MYO9A: variants seen among roughly 807,000 people sequenced by gnomAD.
The protein encoded by MYO9A is myosin IXA, also known as unconventional myosin-IXa.
A neutral mutation model predicts 293.3 loss-of-function variants in MYO9A; 103 were observed. That is an observed-to-expected ratio of 0.35 (90% CI 0.30 to 0.41). The LOEUF is 0.41. Ranked by LOEUF, MYO9A falls within the 10% of genes least tolerant of loss-of-function variation. The pLI, the probability that MYO9A is intolerant of heterozygous loss-of-function variation, is 1.00. For synonymous variants in MYO9A, 1,001 were observed against 1,035.7 expected, an observed-to-expected ratio of 0.97 and a Z score of 0.64; for missense variants, 2,685 against 3,033.0, an observed-to-expected ratio of 0.89 and a Z score of 2.69.
chr15:72,108,341 A>C (rs528910340), intron 1 of MYO9A, among the ~76,000 whole-genome samples: 2 of 152,346 alleles, frequency 1.3e-5, no homozygotes, highest in South Asian at 4.1e-4. Context: ...AAACTTTTTA[A>C]TATGAATCTA....
At chr15:71,920,349 G>T (rs916603124) in intron 18 of MYO9A, among the ~76,000 whole-genome samples, 22 of 152,088 alleles carry the variant, frequency 1.4e-4, no homozygotes, top group African/African-American at 5.3e-4. Flanking sequence ...CCTAATCCTG[G>T]TGTGATAGTA....
intron 32 of MYO9A, among the ~76,000 whole-genome samples, chr15:71,873,697 G>A (rs1282843242): frequency 6.6e-6 from 1 of 152,064 alleles, no homozygotes; most frequent in East Asian, 1.9e-4. Flanking sequence ...ATTTATTTGT[G>A]TATTTCTAGA....
intron 14 of MYO9A, chr15:71,958,355 C>T (rs1397704403): frequency 1.3e-5 from 2 of 152,036 alleles, no homozygotes; most frequent in Admixed American, 6.6e-5. Context: ...TTATCCTAAA[C>T]CTACCAAAAG....
At chr15:71,969,289 T>C (rs902406468) in intron 12 of MYO9A, among the ~76,000 whole-genome samples, 12 of 152,172 alleles carry the variant, frequency 7.9e-5, no homozygotes, top group African/African-American at 2.7e-4. Flanking sequence ...CCTCAAAACA[T>C]CTCTACCATC....
At chr15:72,115,392 A>T (rs8027164) in intron 1 of MYO9A, among the ~76,000 whole-genome samples, 100,140 of 151,950 alleles carry the variant, frequency 0.66, 33,815 homozygotes, top group Middle Eastern at 0.74. Context: ...TAACCCCTCT[A>T]TCCTTCCTCC....
rs544389321 is a variant in MYO9A, at chr15:72,047,386, T to C, written c.-71-752A>G. Reference sequence around the variant, plus strand: ...CATTATATCTTTTTACCTAACCTTATTTATTGCATTCCTTACAAGTATTCT... The same window carrying C: ...CATTATATCTTTTTACCTAACCTTACTTATTGCATTCCTTACAAGTATTCT... On this transcript the variant is annotated intron_variant, in intron 1 of 41. Transcript: ENST00000356056. Among the ~76,000 whole-genome samples, 82 of 152,366 alleles carry C rather than the reference T, an allele frequency of 5.4e-4. 1 individual carries two copies. In the South Asian group the frequency reaches 6.0e-3, roughly 11 times the overall value.
intron 1 of MYO9A, among the ~76,000 whole-genome samples, chr15:72,054,179 T>C (rs1460696617): frequency 2.0e-5 from 3 of 152,120 alleles, no homozygotes; most frequent in African/African-American, 7.2e-5. Flanking sequence ...AAAATAAAAT[T>C]GAATTAAACA....
intron 39 of MYO9A, among the ~76,000 whole-genome samples, chr15:71,845,229 G>A (rs960185741): frequency 6.6e-6 from 1 of 152,124 alleles, no homozygotes; most frequent in Admixed American, 6.6e-5. Flanking sequence ...AGGTATCCAA[G>A]CTTGTTCAAA....
intron 4 of MYO9A, 104 bp from the exon 5 acceptor site, chr15:72,021,121 T>G: frequency 1.5e-6 from 1 of 656,712 alleles, no homozygotes; most frequent in South Asian, 2.0e-5. Flanking sequence ...TGTATCAGCT[T>G]TGCTTCATTT....
chr15:71,836,708 T>C (rs2140886615), intron 39 of MYO9A, among the ~76,000 whole-genome samples: 1 of 152,134 alleles, frequency 6.6e-6, no homozygotes, highest in Non-Finnish European at 1.5e-5. Flanking sequence ...AGAGACAAAA[T>C]AATACATCTT....
At chr15:72,015,035 G>C (rs1214788556) in intron 6 of MYO9A, among the ~76,000 whole-genome samples, 3 of 144,782 alleles carry the variant, frequency 2.1e-5, no homozygotes, top group East Asian at 4.0e-4. Flanking sequence ...TTTTGGTAGA[G>C]ACAGGGTTTC....
intron 1 of MYO9A, among the ~76,000 whole-genome samples, chr15:72,090,908 T>C (rs1397215619): frequency 6.6e-6 from 1 of 151,710 alleles, no homozygotes; most frequent in Non-Finnish European, 1.5e-5. Context: ...ACACCTGTAA[T>C]CCCAGCACTT....
chr15:72,079,524 AAG>A (rs2079475513), intron 1 of MYO9A, among the ~76,000 whole-genome samples: 1 of 152,216 alleles, frequency 6.6e-6, no homozygotes, highest in African/African-American at 2.4e-5. Flanking sequence ...TTAAAAATGC[AAG>A]GTGACATATG....
At chr15:71,904,071 A>T (rs765825275) in intron 20 of MYO9A, 32 bp from the exon 21 acceptor site, 1 of 1,488,222 alleles carries the variant, frequency 6.7e-7, no homozygotes, top group Admixed American at 1.7e-5. Context: ...TTAACCCAGA[A>T]CAGTAGATCT....
chr15:71,960,167 C>T lies in MYO9A; in HGVS notation c.1987-71G>A. On this transcript the variant is annotated intron_variant, in intron 13 of 41. Transcript: ENST00000356056. ...TGAAAAACAAGATGACGGGTGATAACATACTTTGGATGCTTGTCCCTCCAA... is the reference window on the plus strand; with the variant it reads ...TGAAAAACAAGATGACGGGTGATAATATACTTTGGATGCTTGTCCCTCCAA... 2.2e-6 allele frequency: 3 copies of T among 1,359,340 alleles called. No individual in the cohort carries two copies. In the South Asian group the frequency reaches 3.7e-5, roughly 17 times the overall value. The allele number at this position is 1,359,340 out of a possible 1,614,324, so 84.2% of individuals were successfully genotyped here. A position where few individuals can be genotyped will look rare whatever the true frequency, so the allele number is the denominator to read the frequency against.
rs746058264 is a variant in MYO9A at position 71,879,829 on chromosome 15, G to T, written c.5631C>A (p.Asp1877Glu). 1.1e-5 allele frequency: 17 copies of T among 1,607,502 alleles called. No homozygotes were observed. The South Asian group carries it at 1.9e-4, about 18-fold the overall frequency. The change falls in exon 30 of 42, where the codon GAC (aspartate) becomes GAA (glutamate). Residue 1877 changes from aspartate to glutamate, a missense_variant. Physicochemically the swap from Asp to Glu is conservative, Grantham distance 45. Around this residue, in one of 10 missense-constraint regions of MYO9A, gnomAD observed 1,434 missense variants for 1,497.7 expected, o/e 0.96. Transcript: ENST00000356056. ...CCTTCTTGCTGTCTTCATTATCTAG[G>T]TCATTCACCTGGGAACCACAAAACG... ...MDEFLLKKVN[D>E]LDNEDSKKDT...
At chr15:71,901,659 A>G (rs986000388) in intron 22 of MYO9A, among the ~76,000 whole-genome samples, 8 of 147,800 alleles carry the variant, frequency 5.4e-5, no homozygotes, top group Non-Finnish European at 1.1e-4. Context: ...CTGGTCTCCA[A>G]AAAAAAAAAA....
intron 1 of MYO9A, among the ~76,000 whole-genome samples, chr15:72,100,730 C>G (rs981970644): frequency 3.3e-5 from 5 of 150,906 alleles, no homozygotes; most frequent in African/African-American, 1.2e-4. Context: ...CCGGCAACCA[C>G]CCCGTCTGAG....
At chr15:71,864,308 A>G (rs754691268) in intron 32 of MYO9A, among the ~76,000 whole-genome samples, 1 of 152,224 alleles carries the variant, frequency 6.6e-6, no homozygotes, top group African/African-American at 2.4e-5. Context: ...CAGAATGGCT[A>G]TAACAAAAAA....
Sources: gnomAD v4.1 joint callset for allele counts (sites outside exome capture counted in the v4.1 genomes callset) on GRCh38, gnomAD v4.1.1 for gene constraint, gnomAD v4.1.1 regional missense constraint, MANE v1.5 for transcripts, NCBI Gene and HGNC (gene_info 2026-07-23, HGNC 2026-07-21) for gene names.